SHROOM3: variants seen among roughly 807,000 people sequenced by gnomAD.
SHROOM3 encodes shroom family member 3, also known as protein Shroom3.
SHROOM3 carries 47 observed loss-of-function variants against 138.6 expected under a neutral mutation model. The ratio of observed to expected loss-of-function variants is 0.34; its 90% CI spans 0.27 to 0.43. The LOEUF is 0.43. Ranked by LOEUF, SHROOM3 falls within the 20% of genes least tolerant of loss-of-function variation. SHROOM3 has a pLI of 1.00. For missense variants in SHROOM3, 2,491 were observed against 2,596.5 expected (o/e 0.96, Z 0.88); for synonymous variants, 1,062 against 1,063.3 (o/e 1.00, Z 0.02).
intron 1 of SHROOM3, among the ~76,000 whole-genome samples, chr4:76,507,376 G>A (rs1732233048): frequency 6.6e-6 from 1 of 152,042 alleles, no homozygotes; most frequent in Admixed American, 6.5e-5. Context: ...AATCAGCAGG[G>A]CCAATTTCTC....
intron 2 of SHROOM3, among the ~76,000 whole-genome samples, chr4:76,595,606 G>C (rs1454733399): frequency 6.6e-6 from 1 of 152,102 alleles, no homozygotes; most frequent in Non-Finnish European, 1.5e-5. Context: ...TTTTTTAGGA[G>C]TCAGATCTCA....
chr4:76,677,856 G>C (rs1047231323), intron 2 of SHROOM3, among the ~76,000 whole-genome samples: 4 of 152,152 alleles, frequency 2.6e-5, no homozygotes, highest in African/African-American at 9.7e-5. Flanking sequence ...GAACACCTAC[G>C]GGGAGAAAGT....
chr4:76,639,693 G>C (rs1397189603), intron 2 of SHROOM3: 1 of 398,044 alleles, frequency 2.5e-6, no homozygotes, highest in East Asian at 3.6e-5. Flanking sequence ...GTATTCCTGG[G>C]TAAAGTTTTC....
At chr4:76,488,804 C>T (rs1030230497) in intron 1 of SHROOM3, among the ~76,000 whole-genome samples, 10 of 152,180 alleles carry the variant, frequency 6.6e-5, no homozygotes, top group Non-Finnish European at 1.2e-4. Flanking sequence ...GCACTAAACA[C>T]GTTACATGTA....
chr4:76,669,347 T>C (rs1445237424), intron 2 of SHROOM3, among the ~76,000 whole-genome samples: 1 of 152,116 alleles, frequency 6.6e-6, no homozygotes, highest in Non-Finnish European at 1.5e-5. Flanking sequence ...ATGGCTGGAC[T>C]CAGTGGCTCA....
At chr4:76,488,169 A>G (rs1402060055) in intron 1 of SHROOM3, among the ~76,000 whole-genome samples, 1 of 152,138 alleles carries the variant, frequency 6.6e-6, no homozygotes, top group Admixed American at 6.6e-5. Flanking sequence ...AAGTGTGTAA[A>G]TTATAATTTG....
At chr4:76,776,175 G>T (rs768067392) in intron 10 of SHROOM3, among the ~76,000 whole-genome samples, 1 of 152,106 alleles carries the variant, frequency 6.6e-6, no homozygotes, top group Non-Finnish European at 1.5e-5. Context: ...CAGGAGTAAG[G>T]TGGTATTGCA....
At chr4:76,597,058 G>C (rs908616943) in intron 2 of SHROOM3, among the ~76,000 whole-genome samples, 1 of 152,168 alleles carries the variant, frequency 6.6e-6, no homozygotes, top group South Asian at 2.1e-4. Context: ...AGACGGCAAC[G>C]GAGAGACAGT....
In SHROOM3 at chr4:76,739,513, A is replaced by G. The variant is rs1424557152; in HGVS notation, c.1340A>G (p.Lys447Arg). Residue 447 changes from lysine (K) to arginine (R), a missense_variant, in exon 5 of 11, where the codon AAG becomes AGG. This residue lies in a region of SHROOM3 where 1,733 missense variants were observed against 1,661.6 expected (regional missense o/e 1.04). Coordinates refer to ENST00000296043, the MANE Select transcript of SHROOM3 (RefSeq NM_020859.4). ...EKSPENSPPVKPKHNYTQKAQ... is the reference protein window; with the variant it reads ...EKSPENSPPVRPKHNYTQKAQ... ...AGTCCAGAGAACAGCCCCCCAGTGAAGCCCAAGCATAACTATACCCAGAAG... is the reference window on the plus strand; with the variant it reads ...AGTCCAGAGAACAGCCCCCCAGTGAGGCCCAAGCATAACTATACCCAGAAG... 6.2e-7 allele frequency: 1 copy of G among 1,614,124 alleles called. No homozygotes were observed. Among genetic ancestry groups the G allele is most frequent in the Admixed American group, 1.7e-5 (1 of 60,026 alleles).
At chr4:76,514,738 A>G (rs1256521501) in intron 1 of SHROOM3, among the ~76,000 whole-genome samples, 1 of 152,238 alleles carries the variant, frequency 6.6e-6, no homozygotes, top group Non-Finnish European at 1.5e-5. Flanking sequence ...CATTTAAAAT[A>G]TAATTCAATT....
chr4:76,532,883 A>G (rs1207788055), intron 1 of SHROOM3, among the ~76,000 whole-genome samples: 1 of 152,132 alleles, frequency 6.6e-6, no homozygotes, highest in Non-Finnish European at 1.5e-5. Context: ...CTTTAGAACC[A>G]TTATTAAGTA....
chr4:76,542,609 T>C (rs536641202), intron 1 of SHROOM3, among the ~76,000 whole-genome samples: 4 of 152,200 alleles, frequency 2.6e-5, no homozygotes, highest in Non-Finnish European at 5.9e-5. Context: ...AAGTTAGGTC[T>C]GTGGAAGGCT....
chr4:76,651,404 AT>A (rs1735957376), intron 2 of SHROOM3, among the ~76,000 whole-genome samples: 11 of 12,488 alleles, frequency 8.8e-4, no homozygotes, highest in African/African-American at 5.0e-3. Context: ...ACCCATAAAT[AT>A]ATATATATAT....
At chr4:76,679,267 C>T (rs1352849940) in intron 2 of SHROOM3, among the ~76,000 whole-genome samples, 2 of 152,214 alleles carry the variant, frequency 1.3e-5, no homozygotes, top group Non-Finnish European at 2.9e-5. Flanking sequence ...TTAAAATCCC[C>T]CACCCACTGC....
Position 76,740,357 on chromosome 4 carries a change from G to A in SHROOM3, c.2184G>A (p.Arg728=). 1 of 1,613,080 alleles carries A rather than the reference G, an allele frequency of 6.2e-7. No homozygotes were observed. The highest frequency in any genetic ancestry group is 1.1e-5 in the South Asian group (1 of 91,076). The part of the protein sequence containing the change: ...RQVSYPRPEG[R]TGASASFNST... ...TTTCCTACCCGCGGCCCGAGGGGAGGACCGGTGCCTCGGCTTCTTTCAACA... is the reference window on the plus strand; with the variant it reads ...TTTCCTACCCGCGGCCCGAGGGGAGAACCGGTGCCTCGGCTTCTTTCAACA... The change falls in exon 5 of 11, where the codon AGG becomes AGA. Residue 728 remains arginine, a synonymous_variant. Coordinates refer to ENST00000296043, the MANE Select transcript of SHROOM3 (RefSeq NM_020859.4). This position sits in a 1 kb window ranked among gnomAD's most constrained non-coding sequence, Gnocchi z 4.0.
At chr4:76,654,163 G>A (rs778812891) in intron 2 of SHROOM3, among the ~76,000 whole-genome samples, 11 of 152,180 alleles carry the variant, frequency 7.2e-5, no homozygotes, top group Non-Finnish European at 1.2e-4. Flanking sequence ...TAGAGGAGGT[G>A]AGGACACTGA....
At chr4:76,729,046 A>G (rs1720794604) in intron 3 of SHROOM3, among the ~76,000 whole-genome samples, 1 of 152,200 alleles carries the variant, frequency 6.6e-6, no homozygotes, top group South Asian at 2.1e-4. Flanking sequence ...TTAGTAATGA[A>G]TGATGGTAAT....
chr4:76,690,794 G>A (rs1719507020), intron 2 of SHROOM3, among the ~76,000 whole-genome samples: 1 of 151,788 alleles, frequency 6.6e-6, no homozygotes, highest in Admixed American at 6.6e-5. Context: ...TGTTTTGTTT[G>A]CTAAGACCTA....
intron 2 of SHROOM3, among the ~76,000 whole-genome samples, chr4:76,575,866 T>C (rs1020522481): frequency 1.3e-5 from 2 of 152,124 alleles, no homozygotes; most frequent in Admixed American, 1.3e-4. Context: ...AGAAGACATA[T>C]AAATGGCAAA....
Sources: allele counts gnomAD v4.1 joint callset (sites outside exome capture counted in the v4.1 genomes callset), GRCh38; gene constraint gnomAD v4.1.1; regional missense constraint gnomAD v4.1.1; non-coding constraint Gnocchi (gnomAD v3.1); transcripts MANE v1.5; gene names NCBI Gene and HGNC (gene_info 2026-07-23, HGNC 2026-07-21).